FOXP2: variants seen among roughly 807,000 people sequenced by gnomAD.
FOXP2 encodes the protein forkhead box P2.
Under a neutral mutation model 115.8 loss-of-function variants are expected in FOXP2, and 12 were observed. The observed-to-expected ratio is 0.10, with a 90% CI of 0.07 to 0.17. The LOEUF is 0.17. Among genes scored for constraint, FOXP2 ranks in the 10% least tolerant of loss-of-function variants. The pLI, the probability that FOXP2 is intolerant of heterozygous loss-of-function variation, is 1.00. For missense variants in FOXP2, 629 were observed against 843.5 expected, an observed-to-expected ratio of 0.75 and a Z score of 3.15; for synonymous variants, 328 against 297.7, an observed-to-expected ratio of 1.10 and a Z score of -1.05.
intron 3 of FOXP2, among the ~76,000 whole-genome samples, chr7:114,601,892 T>C (rs1803049084): frequency 6.6e-6 from 1 of 152,056 alleles, no homozygotes; most frequent in African/African-American, 2.4e-5. Flanking sequence ...TACAGTTCCA[T>C]ATATACTAGA....
In FOXP2 at chr7:114,557,112, A is replaced by C. The variant is rs1277870673; in HGVS notation, c.258+22406A>C. ...TGAAAATTAATAAATCTCTACATTA[A>C]ATTCTTGGGCTCAAACCCTGTTTTC... is the stretch of plus-strand genomic sequence containing the variant. On this transcript the variant is annotated intron_variant, in intron 3 of 16. Transcript: ENST00000350908. 2.0e-5 allele frequency among the ~76,000 whole-genome samples: 3 copies of C among 152,164 alleles called. No individual in the cohort carries two copies. The East Asian group carries it at 5.8e-4, about 29-fold the overall frequency.
At chr7:114,304,956 T>C (rs1283796223) in intron 2 of FOXP2, among the ~76,000 whole-genome samples, 1 of 152,156 alleles carries the variant, frequency 6.6e-6, no homozygotes, top group Non-Finnish European at 1.5e-5. Flanking sequence ...AAGCTAGATA[T>C]ATCATATATT....
intron 2 of FOXP2, among the ~76,000 whole-genome samples, chr7:114,385,642 C>T (rs574760342): frequency 6.6e-6 from 1 of 152,300 alleles, no homozygotes. Context: ...GTTCGGCGAC[C>T]ATGCTAATCA....
intron 2 of FOXP2, among the ~76,000 whole-genome samples, chr7:114,317,018 C>T (rs1029716297): frequency 1.3e-5 from 2 of 152,160 alleles, no homozygotes; most frequent in Non-Finnish European, 2.9e-5. Context: ...AGGACAAGGA[C>T]TTGCAGTGTC....
chr7:114,668,265 A>G (rs984121315), intron 16 of FOXP2: 1 of 152,150 alleles, frequency 6.6e-6, no homozygotes, highest in Non-Finnish European at 1.5e-5. Context: ...TTGAAGCATT[A>G]GAAGAGTGAA....
At chr7:114,492,019 C>T (rs1455328487) in intron 2 of FOXP2, among the ~76,000 whole-genome samples, 2 of 152,036 alleles carry the variant, frequency 1.3e-5, no homozygotes, top group East Asian at 1.9e-4. Flanking sequence ...TGGTAGAATT[C>T]GGCTGTGAAT....
intron 2 of FOXP2, among the ~76,000 whole-genome samples, chr7:114,322,926 CA>C (rs1797462094): frequency 6.6e-6 from 1 of 152,036 alleles, no homozygotes; most frequent in African/African-American, 2.4e-5. Flanking sequence ...TATATTTAAG[CA>C]AAATTAATTT....
chr7:114,554,475 T>C (rs1800362575), intron 3 of FOXP2, among the ~76,000 whole-genome samples: 1 of 152,186 alleles, frequency 6.6e-6, no homozygotes, highest in Non-Finnish European at 1.5e-5. Context: ...TTTCTAATAG[T>C]AACACAGTTC....
chr7:114,434,199 T>C (rs1386436603), intron 2 of FOXP2, among the ~76,000 whole-genome samples: 1 of 151,890 alleles, frequency 6.6e-6, no homozygotes, highest in African/African-American at 2.4e-5. Flanking sequence ...TTGAATAGCT[T>C]TCCAGGAAAT....
chr7:114,327,871 T>C (rs966124158), intron 2 of FOXP2, among the ~76,000 whole-genome samples: 5 of 151,556 alleles, frequency 3.3e-5, no homozygotes, highest in African/African-American at 4.8e-5. Flanking sequence ...CATTTTTCAC[T>C]ATGTAAGTTT....
intron 1 of FOXP2, among the ~76,000 whole-genome samples, chr7:114,225,108 T>C (rs976591855): frequency 2.0e-5 from 3 of 152,144 alleles, no homozygotes; most frequent in Non-Finnish European, 2.9e-5. Flanking sequence ...TTCAGTTTGT[T>C]AATTTTTTTA....
chr7:114,206,113 G>A (rs1166308952), intron 1 of FOXP2, among the ~76,000 whole-genome samples: 1 of 152,104 alleles, frequency 6.6e-6, no homozygotes, highest in Non-Finnish European at 1.5e-5. Flanking sequence ...TACAATTAGA[G>A]ACACATCTTT....
chr7:114,579,467 A>G (rs771717577), intron 3 of FOXP2, among the ~76,000 whole-genome samples: 5 of 152,054 alleles, frequency 3.3e-5, no homozygotes, highest in Non-Finnish European at 7.4e-5. Flanking sequence ...TAGCACATAC[A>G]GTTTTGTTGC....
chr7:114,132,574 T>TATGA (rs1791913900), intron 1 of FOXP2, among the ~76,000 whole-genome samples: 5 of 108,450 alleles, frequency 4.6e-5, no homozygotes, highest in Admixed American at 9.5e-5. Flanking sequence ...TGTGTGTGTG[T>TATGA]GTGTGTGTGA....
intron 3 of FOXP2, among the ~76,000 whole-genome samples, chr7:114,603,763 A>G (rs1296937251): frequency 6.6e-6 from 1 of 152,236 alleles, no homozygotes; most frequent in Non-Finnish European, 1.5e-5. Flanking sequence ...ATTAAATTTT[A>G]CCATGGAAAA....
chr7:114,193,427 A>G lies in FOXP2; in HGVS notation c.-102+30339A>G, dbSNP rs2129157945. On this transcript the variant is annotated intron_variant, in intron 1 of 17. Coordinates refer to the FOXP2 transcript ENST00000634411. ...GTTAGTTGTATTCCTAGATAATTCA[A>G]TGTATATTAAACTGTAATAATATAT... 1.3e-5 allele frequency among the ~76,000 whole-genome samples: 2 copies of G among 151,928 alleles called. 1 individual carries two copies. Among genetic ancestry groups the G allele is most frequent in the South Asian group, 4.1e-4 (2 of 4,822 alleles).
chr7:114,408,793 A>T (rs1246071372), intron 2 of FOXP2, among the ~76,000 whole-genome samples: 1 of 152,092 alleles, frequency 6.6e-6, no homozygotes, highest in Non-Finnish European at 1.5e-5. Flanking sequence ...ATCTTTTCAT[A>T]TCAGCAGTGA....
At position 114,642,581 on chromosome 7, in the gene FOXP2, T is replaced by C. The variant is rs763302537; in HGVS notation, c.947T>C (p.Ile316Thr). ...TCACCACCAATAACTCATCATTCCA[T>C]AGTGAATGGACAGTCTTCAGTTCTA... is the stretch of plus-strand genomic sequence containing the variant. ...KASPPITHHS[I>T]VNGQSSVLSA... is the part of the protein sequence containing the mutation. Residue 316 changes from isoleucine (I) to threonine (T), a missense_variant, in exon 7 of 17, where the codon ATA becomes ACA. By Grantham distance (89) the Ile-to-Thr change is moderately conservative (BLOSUM62 -1). Around this residue, in one of 9 missense-constraint regions of FOXP2, gnomAD observed 92 missense variants for 80.1 expected, o/e 1.15. Coordinates refer to ENST00000350908, the MANE Select transcript of FOXP2 (RefSeq NM_014491.4). 6.2e-7 allele frequency: 1 copy of C among 1,613,680 alleles called. No individual in the cohort carries two copies. The highest frequency in any genetic ancestry group is 1.7e-5 in the Admixed American group (1 of 59,966).
chr7:114,424,454 A>G (rs1329897415), intron 1 of FOXP2, among the ~76,000 whole-genome samples: 2 of 151,548 alleles, frequency 1.3e-5, no homozygotes, highest in African/African-American at 4.8e-5. Flanking sequence ...TAAAATTTAA[A>G]TGCAATATGT....
Sources: gnomAD v4.1 joint callset for allele counts (sites outside exome capture counted in the v4.1 genomes callset) on GRCh38, gnomAD v4.1.1 for gene constraint, gnomAD v4.1.1 regional missense constraint, MANE v1.5 for transcripts, NCBI Gene and HGNC (gene_info 2026-07-23, HGNC 2026-07-21) for gene names.